Variants in PCSK6 observed in about 807,000 individuals in gnomAD.
The protein encoded by PCSK6 is paired basic amino acid cleaving enzyme 4.
PCSK6 carries 85 observed loss-of-function variants against 123.3 expected under a neutral mutation model. The observed-to-expected ratio is 0.69, with a 90% confidence interval of 0.58 to 0.83. The LOEUF (loss-of-function observed/expected upper bound fraction) is 0.83, where lower values mean the gene tolerates loss of function less well. Ranked by LOEUF, PCSK6 falls within the 40% of genes least tolerant of loss-of-function variation. PCSK6 has a pLI of 0.00. For synonymous variants in PCSK6, 508 were observed against 516.0 expected (o/e 0.98, Z 0.21); for missense variants, 1,191 against 1,282.3 (o/e 0.93, Z 1.09).
intron 9 of PCSK6, 115 bp downstream of exon 9, chr15:101,389,349 G>A (rs1016583624): frequency 6.4e-6 from 5 of 777,770 alleles, no homozygotes; most frequent in African/African-American, 5.1e-5. Flanking sequence ...CTCACTGAAT[G>A]TGCTTAATGC....
intron 1 of PCSK6, among the ~76,000 whole-genome samples, chr15:101,445,954 A>G (rs2056878166): frequency 6.6e-6 from 1 of 152,224 alleles, no homozygotes; most frequent in African/African-American, 2.4e-5. Context: ...AAAGCCATCC[A>G]GCCCCCTGCC....
At chr15:101,408,735 T>C (rs762351676) in intron 6 of PCSK6, among the ~76,000 whole-genome samples, 11 of 152,214 alleles carry the variant, frequency 7.2e-5, no homozygotes, top group Non-Finnish European at 1.5e-4. Flanking sequence ...AAGATTAATC[T>C]ACAGCTTAAA....
intron 1 of PCSK6, among the ~76,000 whole-genome samples, chr15:101,448,330 C>T (rs2056945963): frequency 6.6e-6 from 1 of 152,184 alleles, no homozygotes. Flanking sequence ...AAAGAACTCA[C>T]AGTGAAGAGA....
rs1054488827 is a variant in PCSK6 at position 101,389,481 on chromosome 15, G to A, written c.1293C>T (p.Ala431=). ...VSAPMVAGII[A]LALEANSQLT... Reference sequence around the variant, plus strand: ...GAACTTACTTTGCTTCTAGAGCCAAGGCGATGATGCCCGCCACCATGGGGG... The same window carrying A: ...GAACTTACTTTGCTTCTAGAGCCAAAGCGATGATGCCCGCCACCATGGGGG... Residue 431 remains alanine (A), a synonymous_variant, in exon 9 of 22, where the codon GCC becomes GCT. Transcript: ENST00000611716. The A allele has an allele frequency of 1.2e-6, 2 of 1,613,190 alleles. No individual in the cohort carries two copies. The highest frequency in any genetic ancestry group is 1.7e-5 in the Admixed American group (1 of 60,020).
chr15:101,487,312 G>A (rs777856825), intron 1 of PCSK6, among the ~76,000 whole-genome samples: 5 of 152,244 alleles, frequency 3.3e-5, no homozygotes, highest in Admixed American at 6.5e-5. Flanking sequence ...ACCGGGCTGC[G>A]TGGCATTCAT....
In PCSK6 at chr15:101,458,012, T is replaced by C. The variant is rs574286993; in HGVS notation, c.298-14352A>G. On this transcript the variant is annotated intron_variant, in intron 1 of 21. Coordinates refer to ENST00000611716, the MANE Select transcript of PCSK6 (RefSeq NM_002570.5). The stretch of plus-strand genomic sequence containing the variant: ...GTGTCTGCAATACCCTCACAGATGG[T>C]TGCCCGTGGTACGTCCCTCCAGAGG... Among the ~76,000 whole-genome samples, 4 of 152,290 alleles carry C rather than the reference T, an allele frequency of 2.6e-5. No individual in the cohort carries two copies. The South Asian group carries it at 6.2e-4, about 24-fold the overall frequency.
In PCSK6 at chr15:101,489,654, G is replaced by GGC. The variant is rs1025534370; in HGVS notation, c.15_16dup (p.Pro6ArgfsTer116). The GGC allele has an allele frequency of 1.0e-6, 1 of 976,694 alleles. No homozygotes were observed. Among genetic ancestry groups the GGC allele is most frequent in the Non-Finnish European group, 1.2e-6 (1 of 825,712 alleles). 60.5% of individuals were successfully genotyped at this position (976,694 alleles called of 1,614,324 possible). Reference sequence around the variant, plus strand: ...CGGCGGCCGGGGCCCGGGCGCAGGCGGCGCGCGCGGAGGCATAGCGGCGAC... The same window carrying GGC: ...CGGCGGCCGGGGCCCGGGCGCAGGCGGCGCGCGCGCGGAGGCATAGCGGCGAC... On this transcript the variant is annotated frameshift_variant, in exon 1 of 22. Coordinates refer to ENST00000611716, the MANE Select transcript of PCSK6 (RefSeq NM_002570.5). LOFTEE classifies it high-confidence loss of function.
At chr15:101,489,166 C>CCT (rs2058095949) in intron 1 of PCSK6, among the ~76,000 whole-genome samples, 1 of 101,066 alleles carries the variant, frequency 9.9e-6, no homozygotes, top group South Asian at 3.4e-4. Context: ...CAGTCCCCCC[C>CCT]ACCCCGCCGA....
chr15:101,310,784 TACAC>T (rs1210225137), intron 20 of PCSK6, among the ~76,000 whole-genome samples: 3 of 152,184 alleles, frequency 2.0e-5, no homozygotes, highest in African/African-American at 7.2e-5. Context: ...CAGTGGTTCT[TACAC>T]ACAGCCTGGG....
chr15:101,416,912 G>A (rs11634848), intron 6 of PCSK6, among the ~76,000 whole-genome samples: 12,745 of 152,218 alleles, frequency 0.084, 775 homozygotes, highest in Non-Finnish European at 0.13. Context: ...TGCAGGGGTG[G>A]GGCCCTCATG....
intron 12 of PCSK6, 41 bp downstream of exon 12, chr15:101,370,294 C>A: frequency 6.9e-7 from 1 of 1,447,476 alleles, no homozygotes; most frequent in Non-Finnish European, 9.2e-7. Flanking sequence ...GGGTCAATCT[C>A]AGTGAGCCCA....
chr15:101,361,627 G>A (rs1041201929), intron 13 of PCSK6, among the ~76,000 whole-genome samples: 3 of 152,210 alleles, frequency 2.0e-5, no homozygotes, highest in Admixed American at 1.3e-4. Flanking sequence ...AATGATTCAC[G>A]GTGGAGAGGT....
intron 1 of PCSK6, among the ~76,000 whole-genome samples, chr15:101,453,563 A>G (rs1195479076): frequency 2.0e-5 from 3 of 152,184 alleles, no homozygotes; most frequent in African/African-American, 7.2e-5. Context: ...CTTCCAGAGA[A>G]GCCAGCATTT....
chr15:101,466,411 C>T (rs2057461167), intron 1 of PCSK6, among the ~76,000 whole-genome samples: 1 of 152,128 alleles, frequency 6.6e-6, no homozygotes, highest in Admixed American at 6.5e-5. Context: ...GCTGGTGAGA[C>T]CGTGAAGGGT....
intron 4 of PCSK6, 39 bp downstream of exon 4, chr15:101,431,281 T>C (rs750777675): frequency 1.1e-5 from 18 of 1,608,976 alleles, no homozygotes; most frequent in Admixed American, 1.7e-5. Context: ...ACCAGCACAG[T>C]TGAATATATT....
rs1171051795 is a variant in PCSK6, at chr15:101,440,372, G to A, written c.402+3184C>T. On this transcript the variant is annotated intron_variant, in intron 2 of 21. Coordinates refer to ENST00000611716, the MANE Select transcript of PCSK6 (RefSeq NM_002570.5). The stretch of plus-strand genomic sequence containing the variant: ...TCCGGTACAGGATCAGTGCGAAGAA[G>A]ATGCCTAATAAGTGTGCGTGCACAC... Among the ~76,000 whole-genome samples, 3 of 152,250 alleles carry A rather than the reference G, an allele frequency of 2.0e-5. No homozygotes were observed. The East Asian group carries it at 5.8e-4, about 29-fold the overall frequency.
In PCSK6 at chr15:101,398,633, G is replaced by C; in HGVS notation, c.824-57C>G. The C allele has an allele frequency of 1.3e-6, 2 of 1,564,904 alleles. No homozygotes were observed. Among genetic ancestry groups the C allele is most frequent in the East Asian group, 2.3e-5 (1 of 44,264 alleles). On this transcript the variant is annotated intron_variant, in intron 6 of 21. Transcript: ENST00000611716. This position sits in a 1 kb window ranked among gnomAD's most constrained non-coding sequence, Gnocchi z 4.6. ...CCCAGGCTCCGGGCACACAGCGACG[G>C]GAACCCGGGCCCAGGAGGCTCGGAT...
At chr15:101,488,135 G>C (rs1320113859) in intron 1 of PCSK6, among the ~76,000 whole-genome samples, 1 of 152,040 alleles carries the variant, frequency 6.6e-6, no homozygotes, top group South Asian at 2.1e-4. Flanking sequence ...TATCAATCAG[G>C]GACGCCACCA....
At chr15:101,362,629 C>T (rs1024867420) in intron 13 of PCSK6, among the ~76,000 whole-genome samples, 4 of 152,162 alleles carry the variant, frequency 2.6e-5, no homozygotes, top group Admixed American at 6.5e-5. Context: ...GAGCTGCCAA[C>T]GTCGCTGTGT....
Sources: allele counts gnomAD v4.1 joint callset (sites outside exome capture counted in the v4.1 genomes callset), GRCh38; gene constraint gnomAD v4.1.1; non-coding constraint Gnocchi (gnomAD v3.1); transcripts MANE v1.5; gene names NCBI Gene and HGNC (gene_info 2026-07-23, HGNC 2026-07-21).